The following TRPT1 variants were observed in gnomAD, a reference collection of about 807,000 sequenced individuals.
TRPT1 encodes tRNA 2'-phosphotransferase 1.
Under a neutral mutation model 28.4 loss-of-function variants are expected in TRPT1, and 22 were observed. That is an observed-to-expected ratio of 0.78 (90% CI 0.55 to 1.11). TRPT1 has a LOEUF of 1.11. Among genes scored for constraint, TRPT1 ranks in the 50% least tolerant of loss-of-function variants. The probability of loss-of-function intolerance (pLI) is 0.00; values close to 1 mark genes in which losing one functional copy is unlikely to be tolerated. For synonymous variants in TRPT1, 137 were observed against 132.4 expected, an observed-to-expected ratio of 1.03 and a Z score of -0.24; for missense variants, 308 against 317.7, an observed-to-expected ratio of 0.97 and a Z score of 0.23.
chr11:64,226,170 G>C lies in TRPT1; in HGVS notation c.-130C>G, dbSNP rs1184346036. On this transcript the variant is annotated 5_prime_UTR_variant, in exon 1 of 8. Coordinates refer to ENST00000317459, the MANE Select transcript of TRPT1 (RefSeq NM_001033678.4). ...ACGTGCCGACGGACCGGGCGGAAGCGTCGGGGCGGCGGGGACAAACCTCCA... is the reference window on the plus strand; with the variant it reads ...ACGTGCCGACGGACCGGGCGGAAGCCTCGGGGCGGCGGGGACAAACCTCCA... 2 of 417,362 alleles carry C rather than the reference G, an allele frequency of 4.8e-6. No individual in the cohort carries two copies. Among genetic ancestry groups the C allele is most frequent in the Non-Finnish European group, 8.4e-6 (2 of 236,700 alleles). 25.9% of individuals were successfully genotyped at this position (417,362 alleles called of 1,614,324 possible).
chr11:64,226,062 G>T lies in TRPT1; in HGVS notation c.-22C>A. On this transcript the variant is annotated 5_prime_UTR_variant, in exon 1 of 8. Transcript: ENST00000317459. ...AGGCCAGACTTGCCCAAGGTCACAC[G>T]GTCAGCCAGGAGCGCAGGGAGGCCG... 2 of 557,544 alleles carry T rather than the reference G, an allele frequency of 3.6e-6. No homozygotes were observed. Among genetic ancestry groups the T allele is most frequent in the Admixed American group, 3.4e-5 (1 of 29,138 alleles). 34.5% of individuals were successfully genotyped at this position (557,544 alleles called of 1,614,324 possible).
At chr11:64,226,218 C>T, upstream of TRPT1, 1 of 276,794 alleles carries the variant, frequency 3.6e-6, no homozygotes, top group Non-Finnish European at 6.3e-6. Flanking sequence ...GCGGCGGACC[C>T]GCCAATGAAA....
chr11:64,225,655 C>T, intron 2 of TRPT1, 75 bp from the exon 3 acceptor site: 1 of 1,473,308 alleles, frequency 6.8e-7, no homozygotes, highest in Non-Finnish European at 9.3e-7. Context: ...CCTCAATGAC[C>T]CACTGCAGAG....
Position 64,224,156 on chromosome 11 carries a change from G to C in TRPT1, c.614C>G (p.Thr205Ser), listed in dbSNP as rs1946813144. The C allele has an allele frequency of 6.2e-7, 1 of 1,607,156 alleles. No individual in the cohort carries two copies. Among genetic ancestry groups the C allele is most frequent in the South Asian group, 1.1e-5 (1 of 90,506 alleles). The change falls in exon 7 of 8, where the codon ACT becomes AGT. Residue 205 changes from threonine (T) to serine (S), a missense_variant. Thr to Ser is a moderately conservative substitution (Grantham distance 58). Transcript: ENST00000317459. Reference protein sequence around the residue: ...ANGVILTPGNTDGFLLPKYFK... With the variant: ...ANGVILTPGNSDGFLLPKYFK... ...GTACTTGGGAAGGAGGAAGCCATCA[G>C]TATTCCCTGGAGTCAGAATCACCCC...
rs757248278 is a variant in TRPT1 at position 64,224,901 on chromosome 11, T to C, written c.227A>G (p.Gln76Arg). 6.2e-7 allele frequency: 1 copy of C among 1,604,598 alleles called. No individual in the cohort carries two copies. Among genetic ancestry groups the C allele is most frequent in the Non-Finnish European group, 8.5e-7 (1 of 1,176,176 alleles). ...QFRGFSAEDVQRVVDTNRKQR... is the reference protein window; with the variant it reads ...QFRGFSAEDVRRVVDTNRKQR... ...CTTCCTATTGGTGTCCACCACGCGC[T>C]GCACATCTTCAGCAGAGAAGCCGCG... Residue 76 changes from glutamine (Q) to arginine (R), a missense_variant, in exon 4 of 8, where the codon CAG becomes CGG. Transcript: ENST00000317459.
rs896823068 is a variant in TRPT1 at position 64,224,917 on chromosome 11, A to G, written c.211T>C (p.Ser71Pro). ...LLQLPQFRGF[S>P]AEDVQRVVDT... ...ACCACGCGCTGCACATCTTCAGCAG[A>G]GAAGCCGCGGAACTGGGGCAACTGC... The change falls in exon 4 of 8, where the codon TCT becomes CCT. Residue 71 changes from serine to proline, a missense_variant. Coordinates refer to ENST00000317459, the MANE Select transcript of TRPT1 (RefSeq NM_001033678.4). 12 of 1,590,374 alleles carry G rather than the reference A, an allele frequency of 7.5e-6. No homozygotes were observed. The highest frequency in any genetic ancestry group is 1.1e-5 in the South Asian group (1 of 88,180).
Position 64,224,940 on chromosome 11 carries a change from T to G in TRPT1, c.188A>C (p.Gln63Pro), listed in dbSNP as rs1328936064. 6.4e-7 allele frequency: 1 copy of G among 1,569,870 alleles called. No individual in the cohort carries two copies. Among genetic ancestry groups the G allele is most frequent in the South Asian group, 1.2e-5 (1 of 86,238 alleles). Reference protein sequence around the residue: ...DGFVPLGTLLQLPQFRGFSAE... With the variant: ...DGFVPLGTLLPLPQFRGFSAE... ...AGAGAAGCCGCGGAACTGGGGCAAC[T>G]GCAGGAGGGTGCCCAGGGGCACGAA... is the stretch of plus-strand genomic sequence containing the variant. The change falls in exon 4 of 8, where the codon CAG becomes CCG. Residue 63 changes from glutamine to proline, a missense_variant. Coordinates refer to ENST00000317459, the MANE Select transcript of TRPT1 (RefSeq NM_001033678.4).
At position 64,225,403 on chromosome 11, in the gene TRPT1, C is replaced by T. The variant is rs1199597069; in HGVS notation, c.157+96G>A. Reference sequence around the variant, plus strand: ...GGGAGGAAGTGCACTCTGTGCCTTCCTCAGGGAGCGGTGGAGGCAGCCATC... The same window carrying T: ...GGGAGGAAGTGCACTCTGTGCCTTCTTCAGGGAGCGGTGGAGGCAGCCATC... On this transcript the variant is annotated intron_variant, in intron 3 of 7. Transcript: ENST00000317459. 7 of 1,048,872 alleles carry T rather than the reference C, an allele frequency of 6.7e-6. No homozygotes were observed. The African/African-American group carries it at 7.9e-5, about 12-fold the overall frequency. The allele number at this position is 1,048,872 out of a possible 1,614,324, so 65.0% of individuals were successfully genotyped here.
chr11:64,224,849 AT>A lies in TRPT1; in HGVS notation c.278del (p.Asp93ValfsTer23), dbSNP rs1565304460. ...RKQRFALQLG[D>X]PSTGLLIRAN... is the part of the protein sequence containing the mutation. ...CCCGGATGAGAAGGCCAGTGCTGGG[AT>A]CCCCCAGCTGCAGGGCGAACCGCTG... On this transcript the variant is annotated frameshift_variant, in exon 4 of 8. Coordinates refer to ENST00000317459, the MANE Select transcript of TRPT1 (RefSeq NM_001033678.4). LOFTEE classifies it high-confidence loss of function. The A allele has an allele frequency of 6.2e-7, 1 of 1,613,440 alleles. No homozygotes were observed. The highest frequency in any genetic ancestry group is 8.5e-7 in the Non-Finnish European group (1 of 1,179,944).
At chr11:64,224,236 T>C (rs1197817791) in intron 6 of TRPT1, 26 bp from the exon 7 acceptor site, 3 of 1,613,590 alleles carry the variant, frequency 1.9e-6, no homozygotes, top group Non-Finnish European at 2.5e-6. Context: ...GAGATGTGAC[T>C]CATGCCCTCC....
At position 64,226,030 on chromosome 11, in the gene TRPT1, G is replaced by A. The variant is rs1946997267; in HGVS notation, c.-10+20C>T. ...CCCTGCTGCAGAGAGGGAAACTAAG[G>A]CCCAGCAGGCCAGACTTGCCCAAGG... On this transcript the variant is annotated intron_variant, in intron 1 of 7. Coordinates refer to ENST00000317459, the MANE Select transcript of TRPT1 (RefSeq NM_001033678.4). 2 of 596,394 alleles carry A rather than the reference G, an allele frequency of 3.4e-6. No homozygotes were observed. Among genetic ancestry groups the A allele is most frequent in the Non-Finnish European group, 5.9e-6 (2 of 336,462 alleles). 36.9% of individuals were successfully genotyped at this position (596,394 alleles called of 1,614,324 possible).
intron 3 of TRPT1, 166 bp from the exon 4 acceptor site, chr11:64,225,136 T>G (rs1173928196): frequency 3.9e-6 from 3 of 778,380 alleles, no homozygotes; most frequent in Non-Finnish European, 6.0e-6. Flanking sequence ...TTTTTCAACT[T>G]ACATAAAAAG....
chr11:64,224,038 G>T lies in TRPT1; in HGVS notation c.670+62C>A, dbSNP rs766654216. On this transcript the variant is annotated intron_variant, in intron 7 of 7. Transcript: ENST00000317459. ...TCTAGGGTTGGAAGCTAGGAGAGAG[G>T]TGAGGGCAGAAGGGCACAGCTTTCA... 12 of 1,590,002 alleles carry T rather than the reference G, an allele frequency of 7.5e-6. No homozygotes were observed. In the South Asian group the frequency reaches 1.3e-4, roughly 18 times the overall value.
Position 64,223,837 on chromosome 11 carries a change from T to C in TRPT1, c.*39A>G. ...AACATGGTTTCAAACGAGTTCTTTC[T>C]TGTTACTTTTTAAAATTTCTTTTTT... On this transcript the variant is annotated 3_prime_UTR_variant, in exon 8 of 8. Coordinates refer to ENST00000317459, the MANE Select transcript of TRPT1 (RefSeq NM_001033678.4). The C allele has an allele frequency of 1.5e-6, 2 of 1,376,940 alleles. No homozygotes were observed. The highest frequency in any genetic ancestry group is 2.9e-5 in the African/African-American group (2 of 68,108). The allele number at this position is 1,376,940 out of a possible 1,614,324, so 85.3% of individuals were successfully genotyped here.
In TRPT1 at chr11:64,225,787, T is replaced by A; in HGVS notation, c.74A>T (p.Gln25Leu). The change falls in exon 2 of 8, where the codon CAG becomes CTG. Residue 25 changes from glutamine (Q) to leucine (L), a missense_variant and splice_region_variant. Coordinates refer to ENST00000317459, the MANE Select transcript of TRPT1 (RefSeq NM_001033678.4). ...AGGGGGTGGGGAGGAGGCGCGCACC[T>A]GTTCTCGGGGTCTGGGAGCCCTTCT... is the stretch of plus-strand genomic sequence containing the variant. Reference protein sequence around the residue: ...RGRRAPRPREQDRDVQLSKAL... With the variant: ...RGRRAPRPRELDRDVQLSKAL... The A allele has an allele frequency of 6.5e-7, 1 of 1,550,310 alleles. No homozygotes were observed. The highest frequency in any genetic ancestry group is 8.7e-7 in the Non-Finnish European group (1 of 1,146,550).
In TRPT1 at chr11:64,224,224, C is replaced by A. The variant is rs1412471670; in HGVS notation, c.560-14G>T. 1 of 1,613,300 alleles carries A rather than the reference C, an allele frequency of 6.2e-7. No homozygotes were observed. Among genetic ancestry groups the A allele is most frequent in the Non-Finnish European group, 8.5e-7 (1 of 1,179,520 alleles). On this transcript the variant is annotated splice_polypyrimidine_tract_variant and intron_variant, in intron 6 of 7. Transcript: ENST00000317459. ...AGGGTATTCCATCTGCTGACAGAGCCAGAGATGTGACTCATGCCCTCCCCG... is the reference window on the plus strand; with the variant it reads ...AGGGTATTCCATCTGCTGACAGAGCAAGAGATGTGACTCATGCCCTCCCCG...
intron 2 of TRPT1, 87 bp from the exon 3 acceptor site, chr11:64,225,667 G>C (rs573676698): frequency 1.4e-5 from 20 of 1,433,660 alleles, no homozygotes; most frequent in Middle Eastern, 3.5e-4. Context: ...ACTGCAGAGA[G>C]AGCCCAGAGA....
Position 64,224,211 on chromosome 11 carries a change from C to T in TRPT1, c.560-1G>A, listed in dbSNP as rs1424140731. 5 of 1,612,342 alleles carry T rather than the reference C, an allele frequency of 3.1e-6. No individual in the cohort carries two copies. Among genetic ancestry groups the T allele is most frequent in the Non-Finnish European group, 4.2e-6 (5 of 1,178,874 alleles). On this transcript the variant is annotated splice_acceptor_variant, in intron 6 of 7. Transcript: ENST00000317459. LOFTEE classifies it high-confidence loss of function. ...GCAGAGCGGAAGAAGGGTATTCCAT[C>T]TGCTGACAGAGCCAGAGATGTGACT...
At chr11:64,225,667 G>T in intron 2 of TRPT1, 87 bp from the exon 3 acceptor site, 1 of 1,433,660 alleles carries the variant, frequency 7.0e-7, no homozygotes, top group Non-Finnish European at 9.6e-7. Flanking sequence ...ACTGCAGAGA[G>T]AGCCCAGAGA....
Sources: gnomAD v4.1 joint callset for allele counts on GRCh38, gnomAD v4.1.1 for gene constraint, MANE v1.5 for transcripts, NCBI Gene and HGNC (gene_info 2026-07-23, HGNC 2026-07-21) for gene names.